The following EGFLAM variants were observed in gnomAD, a reference collection of about 807,000 sequenced individuals.
The protein encoded by EGFLAM is pikachurin.
EGFLAM carries 79 observed loss-of-function variants against 113.1 expected under a neutral mutation model. The ratio of observed to expected loss-of-function variants is 0.70; its 90% CI spans 0.58 to 0.84. The LOEUF (loss-of-function observed/expected upper bound fraction) is 0.84, where lower values mean the gene tolerates loss of function less well. Ranked by LOEUF, EGFLAM falls within the 40% of genes least tolerant of loss-of-function variation. The pLI, the probability that EGFLAM is intolerant of heterozygous loss-of-function variation, is 0.00. For missense variants in EGFLAM, 1,265 were observed against 1,291.6 expected (o/e 0.98, Z 0.32); for synonymous variants, 504 against 487.6 (o/e 1.03, Z -0.44).
intron 9 of EGFLAM, among the ~76,000 whole-genome samples, 190 bp downstream of exon 9, chr5:38,408,095 G>A (rs1244026170): frequency 6.6e-6 from 1 of 152,202 alleles, no homozygotes; most frequent in Non-Finnish European, 1.5e-5. Context: ...ACATTCAAGT[G>A]TGACAGTGAG....
intron 10 of EGFLAM, among the ~76,000 whole-genome samples, chr5:38,409,828 C>G (rs756508186): frequency 6.6e-6 from 1 of 152,152 alleles, no homozygotes. Context: ...CCCCAACACA[C>G]TTTGGAAGCC....
At chr5:38,453,422 TTC>T (rs1344278668) in intron 19 of EGFLAM, among the ~76,000 whole-genome samples, 2 of 152,208 alleles carry the variant, frequency 1.3e-5, no homozygotes, top group African/African-American at 4.8e-5. Flanking sequence ...ACAGAAATCT[TTC>T]TGTTTGAATA....
intron 1 of EGFLAM, among the ~76,000 whole-genome samples, chr5:38,299,336 T>C (rs1758518446): frequency 3.3e-5 from 5 of 152,210 alleles, no homozygotes; most frequent in Admixed American, 3.3e-4. Context: ...GGCTTACATA[T>C]AGAAGCCACA....
intron 1 of EGFLAM, among the ~76,000 whole-genome samples, chr5:38,321,832 A>G (rs1433557866): frequency 6.6e-6 from 1 of 152,204 alleles, no homozygotes; most frequent in East Asian, 1.9e-4. Context: ...ACACTGGTGC[A>G]TGGAGCACAA....
At chr5:38,424,766 A>G (rs538820725) in intron 12 of EGFLAM, among the ~76,000 whole-genome samples, 2 of 152,194 alleles carry the variant, frequency 1.3e-5, no homozygotes, top group Non-Finnish European at 2.9e-5. Flanking sequence ...TTCATACAGG[A>G]CAAACCAAAA....
chr5:38,453,587 C>T (rs1742990622), intron 19 of EGFLAM, among the ~76,000 whole-genome samples: 2 of 152,164 alleles, frequency 1.3e-5, no homozygotes, highest in Admixed American at 6.5e-5. Flanking sequence ...GGCAGCTTCT[C>T]ACCATCTCTG....
chr5:38,360,857 T>A (rs1739902406), intron 5 of EGFLAM, among the ~76,000 whole-genome samples: 1 of 150,880 alleles, frequency 6.6e-6, no homozygotes, highest in Non-Finnish European at 1.5e-5. Context: ...TTTATTTATT[T>A]ATTTATTTTT....
chr5:38,373,213 A>C (rs1740269682), intron 6 of EGFLAM, among the ~76,000 whole-genome samples: 1 of 142,102 alleles, frequency 7.0e-6, no homozygotes, highest in Non-Finnish European at 1.5e-5. Context: ...CCCTTTTTAC[A>C]GATTAAAAAA....
chr5:38,276,455 A>C (rs1392770303), intron 1 of EGFLAM, among the ~76,000 whole-genome samples: 1 of 152,218 alleles, frequency 6.6e-6, no homozygotes, highest in African/African-American at 2.4e-5. Context: ...TTTAGCAATA[A>C]ATGCCTAATA....
intron 1 of EGFLAM, among the ~76,000 whole-genome samples, chr5:38,313,242 G>C (rs1479874601): frequency 2.6e-5 from 4 of 151,984 alleles, no homozygotes; most frequent in African/African-American, 9.7e-5. Flanking sequence ...AGATACAAAG[G>C]GAGGCTCTAC....
chr5:38,269,381 T>TA (rs1238037679), intron 1 of EGFLAM, among the ~76,000 whole-genome samples: 1 of 152,000 alleles, frequency 6.6e-6, no homozygotes, highest in Non-Finnish European at 1.5e-5. Context: ...TCTTAAATTA[T>TA]AAAAAAATCT....
intron 6 of EGFLAM, among the ~76,000 whole-genome samples, chr5:38,374,849 G>A (rs909318986): frequency 1.3e-5 from 2 of 152,188 alleles, no homozygotes; most frequent in African/African-American, 4.8e-5. Flanking sequence ...AAAGCAAGAT[G>A]GAGTCAGTTA....
chr5:38,392,375 T>A (rs1022694913), intron 6 of EGFLAM, among the ~76,000 whole-genome samples: 3 of 152,222 alleles, frequency 2.0e-5, no homozygotes, highest in Admixed American at 1.3e-4. Context: ...GCATTCGGGT[T>A]GATTCCATAT....
rs1011866906 is a variant in EGFLAM at position 38,392,635 on chromosome 5, G to GC, written c.713-13491_713-13490insC. Among the ~76,000 whole-genome samples the GC allele has an allele frequency of 2.4e-3, 356 of 150,868 alleles. 2 individuals are homozygous for GC. The highest frequency in any genetic ancestry group is 8.6e-3 in the African/African-American group (351 of 40,800). ...AGAATCTATTCTTTTTTTTTGGGGGGGCGGTTCTCACTGGGATTTAATATC... is the reference window on the plus strand; with the variant it reads ...AGAATCTATTCTTTTTTTTTGGGGGGCGCGGTTCTCACTGGGATTTAATATC... On this transcript the variant is annotated intron_variant, in intron 6 of 21. Transcript: ENST00000322350.
chr5:38,436,551 G>A (rs1307548814), intron 16 of EGFLAM, among the ~76,000 whole-genome samples: 2 of 152,132 alleles, frequency 1.3e-5, no homozygotes, highest in Admixed American at 1.3e-4. Flanking sequence ...CCTATGAGTG[G>A]GATTGGCCAT....
Position 38,404,562 on chromosome 5 carries a change from A to C in EGFLAM, c.713-1564A>C, listed in dbSNP as rs554219926. Among the ~76,000 whole-genome samples the C allele has an allele frequency of 3.9e-5, 6 of 152,336 alleles. No homozygotes were observed. In the East Asian group the frequency reaches 9.6e-4, roughly 24 times the overall value. ...GTAGGAGGGTGAGTTTGTCTTCCTG[A>C]GAATGGTGCATGACTTAGCTTATTC... On this transcript the variant is annotated intron_variant, in intron 6 of 21. Transcript: ENST00000322350.
intron 13 of EGFLAM, among the ~76,000 whole-genome samples, chr5:38,426,122 G>A (rs1431712856): frequency 6.6e-6 from 1 of 151,252 alleles, no homozygotes; most frequent in East Asian, 1.9e-4. Context: ...AAAAAAGATA[G>A]GGAAGGTAGA....
At chr5:38,288,849 T>C (rs1758234716) in intron 1 of EGFLAM, among the ~76,000 whole-genome samples, 1 of 152,212 alleles carries the variant, frequency 6.6e-6, no homozygotes, top group African/African-American at 2.4e-5. Flanking sequence ...TGTTGTTTCT[T>C]CAATATTGGG....
chr5:38,341,627 A>G (rs537020077), intron 3 of EGFLAM, among the ~76,000 whole-genome samples: 5 of 152,246 alleles, frequency 3.3e-5, no homozygotes, highest in Admixed American at 6.5e-5. Flanking sequence ...GAGATGCTAT[A>G]AATATTACTG....
Sources: gnomAD v4.1 joint callset for allele counts (sites outside exome capture counted in the v4.1 genomes callset) on GRCh38, gnomAD v4.1.1 for gene constraint, MANE v1.5 for transcripts, NCBI Gene and HGNC (gene_info 2026-07-23, HGNC 2026-07-21) for gene names.